DMXL1: variants seen among roughly 807,000 people sequenced by gnomAD.
DMXL1 encodes Dmx like 1.
DMXL1 carries 99 observed loss-of-function variants against 319.2 expected under a neutral mutation model. That is an observed-to-expected ratio of 0.31 (90% CI 0.26 to 0.37). DMXL1 has a LOEUF of 0.37. DMXL1 is among the 10% of genes least tolerant of loss of function. The pLI is 1.00. For synonymous variants in DMXL1, 1,385 were observed against 1,235.2 expected (o/e 1.12, Z -2.54); for missense variants, 3,745 against 3,595.6 (o/e 1.04, Z -1.06).
chr5:119,245,148 T>C (rs998811106), intron 43 of DMXL1, among the ~76,000 whole-genome samples: 2 of 152,208 alleles, frequency 1.3e-5, no homozygotes, highest in African/African-American at 4.8e-5. Context: ...AGTTGATAAG[T>C]AAGTCCAAGA....
chr5:119,096,985 T>C (rs972258689), intron 1 of DMXL1, among the ~76,000 whole-genome samples: 3 of 152,206 alleles, frequency 2.0e-5, no homozygotes, highest in African/African-American at 7.2e-5. Flanking sequence ...AATTGTGATA[T>C]ATGCCGTGAA....
At chr5:119,116,080 A>C (rs1012918168) in intron 6 of DMXL1, 78 bp from the exon 7 acceptor site, 3 of 1,383,214 alleles carry the variant, frequency 2.2e-6, no homozygotes, top group Admixed American at 2.5e-5. Flanking sequence ...ATTGGGGAGA[A>C]AATTCTTACT....
intron 33 of DMXL1, among the ~76,000 whole-genome samples, chr5:119,204,603 T>C (rs1211471729): frequency 6.6e-6 from 1 of 151,444 alleles, no homozygotes; most frequent in Non-Finnish European, 1.5e-5. Flanking sequence ...GTAATAAATA[T>C]CAGTCTGATG....
chr5:119,112,815 G>C, intron 5 of DMXL1, among the ~76,000 whole-genome samples: 1 of 152,076 alleles, frequency 6.6e-6, no homozygotes, highest in Non-Finnish European at 1.5e-5. Flanking sequence ...AAATTAGCCA[G>C]GCGTGGTGGT....
At chr5:119,177,232 AT>A in intron 26 of DMXL1, 124 bp from the exon 27 acceptor site, 1 of 556,360 alleles carries the variant, frequency 1.8e-6, no homozygotes, top group Non-Finnish European at 3.0e-6. Flanking sequence ...ACTGTACATT[AT>A]ATTACTTAGA....
chr5:119,079,350 T>G (rs1000300179), intron 1 of DMXL1, among the ~76,000 whole-genome samples: 1 of 152,236 alleles, frequency 6.6e-6, no homozygotes, highest in Non-Finnish European at 1.5e-5. Context: ...TTAATCAGTC[T>G]TCTTGGTGCC....
chr5:119,121,092 A>G lies in DMXL1; in HGVS notation c.1055A>G (p.Asn352Ser), dbSNP rs562921376. 1.8e-5 allele frequency: 29 copies of G among 1,610,486 alleles called. No homozygotes were observed. The highest frequency in any genetic ancestry group is 1.8e-5 in the Non-Finnish European group (21 of 1,179,026). Residue 352 changes from asparagine to serine, a missense_variant, in exon 9 of 44, where the codon AAT becomes AGT. Physicochemically the swap from Asn to Ser is conservative, Grantham distance 46. Coordinates refer to ENST00000539542, the MANE Select transcript of DMXL1 (RefSeq NM_001290321.3). ...HVHRNTPLHA[N>S]ALCHFHIAAS... ...CACAGGAACACTCCACTGCATGCCA[A>G]TGCACTTTGCCACTTTCATATTGCA...
At chr5:119,123,132 C>G (rs954032799) in intron 9 of DMXL1, among the ~76,000 whole-genome samples, 2 of 152,002 alleles carry the variant, frequency 1.3e-5, no homozygotes, top group Non-Finnish European at 2.9e-5. Flanking sequence ...GAAATCCCGT[C>G]TCCACCAAAA....
chr5:119,197,065 C>G (rs958506751), intron 31 of DMXL1, among the ~76,000 whole-genome samples: 2 of 152,138 alleles, frequency 1.3e-5, no homozygotes, highest in Admixed American at 1.3e-4. Context: ...AAAGTTGAAA[C>G]TGAGATCAGT....
chr5:119,071,629 G>T lies in DMXL1; in HGVS notation c.60G>T (p.Val20=), dbSNP rs1194848951. ...AVNPGDHCFS[V]GSIGDQRFTA... is the part of the protein sequence containing the mutation. ...ACCCTGGCGACCACTGCTTCTCCGT[G>T]GGCAGCATTGGCGACCAGCGCTTCA... The change falls in exon 1 of 44, where the codon GTG becomes GTT. Residue 20 remains valine (V), a synonymous_variant. Transcript: ENST00000539542. The T allele has an allele frequency of 5.0e-6, 8 of 1,599,414 alleles. No homozygotes were observed. The East Asian group carries it at 1.8e-4, about 36-fold the overall frequency.
rs1749446383 is a variant in DMXL1, at chr5:119,071,188, C to T, written c.-382C>T. On this transcript the variant is annotated 5_prime_UTR_variant, in exon 1 of 44. Coordinates refer to ENST00000539542, the MANE Select transcript of DMXL1 (RefSeq NM_001290321.3). The stretch of plus-strand genomic sequence containing the variant: ...GTGCGAGCGCGTACTGCTTGCGCCA[C>T]TCGGGCTGGGTCAGGAGCGGCTGCC... 4.0e-6 allele frequency: 1 copy of T among 247,154 alleles called. No homozygotes were observed. The highest frequency in any genetic ancestry group is 8.0e-6 in the Non-Finnish European group (1 of 125,438). The allele number at this position is 247,154 out of a possible 1,614,324, so 15.3% of individuals were successfully genotyped here.
At chr5:119,130,306 T>G (rs1428820940) in intron 10 of DMXL1, among the ~76,000 whole-genome samples, 1 of 152,084 alleles carries the variant, frequency 6.6e-6, no homozygotes, top group Non-Finnish European at 1.5e-5. Flanking sequence ...TGTGCATTTT[T>G]ATACAGAAAT....
In DMXL1 at chr5:119,177,976, ATGTT is replaced by A. The variant is rs1227492064; in HGVS notation, c.6887-12_6887-9del. 1 of 1,572,800 alleles carries A rather than the reference ATGTT, an allele frequency of 6.4e-7. No homozygotes were observed. Among genetic ancestry groups the A allele is most frequent in the Non-Finnish European group, 8.6e-7 (1 of 1,159,200 alleles). On this transcript the variant is annotated splice_polypyrimidine_tract_variant and intron_variant, in intron 27 of 43. Transcript: ENST00000539542. ...TAAAAATTTATAGTCAGTGACAGCT[ATGTT>A]TGTTTGTCGTTCTAGGAATAACTTG...
rs762066728 is a variant in DMXL1, at chr5:119,170,393, G to T, written c.5602G>T (p.Ala1868Ser). 3.7e-6 allele frequency: 6 copies of T among 1,613,934 alleles called. No individual in the cohort carries two copies. The highest frequency in any genetic ancestry group is 5.1e-6 in the Non-Finnish European group (6 of 1,179,930). ...FFTTASAHLK[A>S]GCPMLALEVL... Reference sequence around the variant, plus strand: ...TACCACTGCCAGTGCTCATTTAAAAGCTGGCTGCCCAATGTTGGCTTTGGA... The same window carrying T: ...TACCACTGCCAGTGCTCATTTAAAATCTGGCTGCCCAATGTTGGCTTTGGA... The change falls in exon 24 of 44, where the codon GCT becomes TCT. Residue 1868 changes from alanine to serine, a missense_variant. Ala to Ser is a moderately conservative substitution (Grantham distance 99). Transcript: ENST00000539542.
intron 1 of DMXL1, among the ~76,000 whole-genome samples, chr5:119,082,012 TATATATATACACAC>T (rs1752308499): frequency 1.4e-5 from 1 of 71,742 alleles, no homozygotes; most frequent in African/African-American, 4.4e-5. Flanking sequence ...TATATATATA[TATATATATACACAC>T]ACACACACAC....
At chr5:119,088,139 C>G (rs866225348) in intron 1 of DMXL1, among the ~76,000 whole-genome samples, 1 of 152,052 alleles carries the variant, frequency 6.6e-6, no homozygotes, top group Non-Finnish European at 1.5e-5. Flanking sequence ...TGGTGTTGGG[C>G]GATAGAGATA....
chr5:119,202,304 A>G (rs1397206024), intron 32 of DMXL1, among the ~76,000 whole-genome samples: 3 of 152,134 alleles, frequency 2.0e-5, no homozygotes, highest in Admixed American at 1.3e-4. Flanking sequence ...TAGGTTAGGG[A>G]TCAACAAACT....
chr5:119,238,463 CTA>C (rs1182438847), intron 40 of DMXL1, among the ~76,000 whole-genome samples: 6 of 151,964 alleles, frequency 3.9e-5, no homozygotes, highest in South Asian at 2.1e-4. Context: ...ATTTTGATGA[CTA>C]TTAGTAATTT....
chr5:119,092,185 G>A (rs1264962135), intron 1 of DMXL1, among the ~76,000 whole-genome samples: 2 of 152,056 alleles, frequency 1.3e-5, no homozygotes, highest in African/African-American at 4.8e-5. Flanking sequence ...GTGGCCCCAG[G>A]AACTGTCTTG....
Sources: allele counts gnomAD v4.1 joint callset (sites outside exome capture counted in the v4.1 genomes callset), GRCh38; gene constraint gnomAD v4.1.1; transcripts MANE v1.5; gene names NCBI Gene and HGNC (gene_info 2026-07-23, HGNC 2026-07-21).